Variants in RARB observed in about 807,000 individuals in gnomAD.
The protein encoded by RARB is HBV-activated protein.
A neutral mutation model predicts 51.9 loss-of-function variants in RARB; 17 were observed. The ratio of observed to expected loss-of-function variants is 0.33; its 90% CI spans 0.22 to 0.49. The LOEUF is 0.49. Ranked by LOEUF, RARB falls within the 20% of genes least tolerant of loss-of-function variation. The probability of loss-of-function intolerance (pLI) is 0.99; values close to 1 mark genes in which losing one functional copy is unlikely to be tolerated. For synonymous variants in RARB, 215 were observed against 195.4 expected (o/e 1.10, Z -0.84); for missense variants, 369 against 550.8 (o/e 0.67, Z 3.30).
At chr3:25,172,613 T>C (rs1382220803) in intron 4 of RARB, among the ~76,000 whole-genome samples, 2 of 152,198 alleles carry the variant, frequency 1.3e-5, no homozygotes, top group Non-Finnish European at 2.9e-5. Flanking sequence ...TCTTCCTTAC[T>C]TCAAGGACGT....
chr3:25,549,389 G>C (rs1182646735), intron 3 of RARB, among the ~76,000 whole-genome samples: 4 of 152,108 alleles, frequency 2.6e-5, no homozygotes, highest in Non-Finnish European at 5.9e-5. Context: ...GTACTAACAA[G>C]ATGCCATTTA....
chr3:24,844,517 G>A (rs1213719767), intron 1 of RARB, among the ~76,000 whole-genome samples: 1 of 152,160 alleles, frequency 6.6e-6, no homozygotes, highest in Non-Finnish European at 1.5e-5. Context: ...TGACTGCAGT[G>A]GGAAAAAACT....
chr3:25,076,369 G>A (rs550183026), intron 3 of RARB, among the ~76,000 whole-genome samples: 1 of 152,170 alleles, frequency 6.6e-6, no homozygotes, highest in East Asian at 1.9e-4. Context: ...TCGATCTCCT[G>A]ACCTTGTGAT....
chr3:24,873,117 G>C (rs1273254877), intron 2 of RARB, among the ~76,000 whole-genome samples: 1 of 152,200 alleles, frequency 6.6e-6, no homozygotes, highest in African/African-American at 2.4e-5. Flanking sequence ...TATGAAAACA[G>C]ATGACAAACT....
intron 2 of RARB, among the ~76,000 whole-genome samples, chr3:24,966,167 C>G (rs2362766): frequency 6.6e-6 from 1 of 151,578 alleles, no homozygotes; most frequent in Non-Finnish European, 1.5e-5. Flanking sequence ...GGCATTTTTA[C>G]TACTTGATTG....
intron 2 of RARB, among the ~76,000 whole-genome samples, chr3:24,995,199 C>T (rs1696995708): frequency 6.7e-6 from 1 of 149,376 alleles, no homozygotes; most frequent in Non-Finnish European, 1.5e-5. Context: ...AGTAAAGGTC[C>T]TTCACCTCCT....
chr3:24,859,062 A>G (rs929767687), intron 2 of RARB, among the ~76,000 whole-genome samples: 1 of 151,644 alleles, frequency 6.6e-6, no homozygotes, highest in Admixed American at 6.6e-5. Context: ...AAAAAAGAAA[A>G]AAAAAAAGTT....
In RARB at chr3:25,038,723, A is replaced by G. The variant is rs142939851; in HGVS notation, c.-379-21402A>G. On this transcript the variant is annotated intron_variant, in intron 2 of 11. Coordinates refer to the RARB transcript ENST00000383772. ...GGAAACTTGTCCTTTTTTTCTTAAC[A>G]TAATGAGACAGTTCTTATGTTTTAA... Among the ~76,000 whole-genome samples the G allele has an allele frequency of 2.0e-3, 307 of 152,286 alleles. 1 individual carries two copies. The highest frequency in any genetic ancestry group is 7.2e-3 in the African/African-American group (298 of 41,574).
At chr3:25,338,375 C>T (rs1705127278) in intron 5 of RARB, among the ~76,000 whole-genome samples, 1 of 152,106 alleles carries the variant, frequency 6.6e-6, no homozygotes, top group Admixed American at 6.6e-5. Flanking sequence ...GAATGTGTGG[C>T]ATTATTGAAG....
intron 5 of RARB, among the ~76,000 whole-genome samples, chr3:25,190,858 T>C (rs1701086371): frequency 6.6e-6 from 1 of 152,124 alleles, no homozygotes; most frequent in Non-Finnish European, 1.5e-5. Context: ...GGAGTTTTTA[T>C]GATGTTGCCA....
intron 2 of RARB, among the ~76,000 whole-genome samples, chr3:24,902,200 T>G (rs542251714): frequency 2.6e-4 from 39 of 152,330 alleles, no homozygotes; most frequent in Non-Finnish European, 5.3e-4. Flanking sequence ...ATCTAGAATT[T>G]GACCACAGAC....
At chr3:25,498,873 T>A (rs550074733) in intron 2 of RARB, among the ~76,000 whole-genome samples, 1 of 152,222 alleles carries the variant, frequency 6.6e-6, no homozygotes, top group South Asian at 2.1e-4. Context: ...CCCACAGTTA[T>A]ATTTTTTGTA....
intron 4 of RARB, among the ~76,000 whole-genome samples, chr3:25,163,958 T>C (rs886724266): frequency 2.0e-5 from 3 of 152,172 alleles, no homozygotes; most frequent in Non-Finnish European, 4.4e-5. Flanking sequence ...TCTCACACAG[T>C]ATGCAAAATG....
chr3:25,580,609 G>A lies in RARB; in HGVS notation c.673G>A (p.Ala225Thr). Residue 225 changes from alanine to threonine, a missense_variant, in exon 5 of 8, where the codon GCC (alanine) becomes ACC (threonine). Transcript: ENST00000330688. Reference sequence around the variant, plus strand: ...CCTCTGGGACAAATTCAGTGAACTGGCCACCAAGTGCATTATTAAGATCGT... The same window carrying A: ...CCTCTGGGACAAATTCAGTGAACTGACCACCAAGTGCATTATTAAGATCGT... ...LGLWDKFSEL[A>T]TKCIIKIVEF... 1 of 1,612,196 alleles carries A rather than the reference G, an allele frequency of 6.2e-7. No homozygotes were observed. Among genetic ancestry groups the A allele is most frequent in the Non-Finnish European group, 8.5e-7 (1 of 1,178,480 alleles).
chr3:25,327,745 C>T (rs1198528698), intron 5 of RARB, among the ~76,000 whole-genome samples: 1 of 152,158 alleles, frequency 6.6e-6, no homozygotes, highest in African/African-American at 2.4e-5. Flanking sequence ...TAAAGTCTCA[C>T]ATGACAGCTC....
rs116909288 is a variant in RARB, at chr3:24,972,707, C to T, written c.-379-87418C>T. On this transcript the variant is annotated intron_variant, in intron 2 of 11. Transcript: ENST00000383772. ...GTTAACTGGGGTGAGATGGATATCTCATTGTGGTTTTGACTTGCATTTTTT... is the reference window on the plus strand; with the variant it reads ...GTTAACTGGGGTGAGATGGATATCTTATTGTGGTTTTGACTTGCATTTTTT... Among the ~76,000 whole-genome samples the T allele has an allele frequency of 6.3e-3, 952 of 152,124 alleles. 23 individuals are homozygous for T. In the East Asian group the frequency reaches 0.085, roughly 14 times the overall value.
chr3:25,534,217 G>C (rs1275993092), intron 3 of RARB, among the ~76,000 whole-genome samples: 1 of 152,186 alleles, frequency 6.6e-6, no homozygotes, highest in African/African-American at 2.4e-5. Context: ...GTTGACCTAA[G>C]ACTTTGAGCA....
chr3:25,278,055 C>T (rs146063305), intron 5 of RARB, among the ~76,000 whole-genome samples: 68 of 152,206 alleles, frequency 4.5e-4, no homozygotes, highest in Non-Finnish European at 6.3e-4. Flanking sequence ...CATTGCTAGA[C>T]GATATAGTGC....
chr3:24,966,606 A>ATCTCTCTCTCTCTCTCTCTC (rs55848511), intron 2 of RARB, among the ~76,000 whole-genome samples: 6 of 140,336 alleles, frequency 4.3e-5, no homozygotes, highest in African/African-American at 1.6e-4. Flanking sequence ...GTTTACATTC[A>ATCTCTCTCTCTCTCTCTCTC]TCTCTCTCTC....
Sources: allele counts gnomAD v4.1 joint callset (sites outside exome capture counted in the v4.1 genomes callset), GRCh38; gene constraint gnomAD v4.1.1; transcripts MANE v1.5; gene names NCBI Gene and HGNC (gene_info 2026-07-23, HGNC 2026-07-21).